IL10RA: variants seen among roughly 807,000 people sequenced by gnomAD.
The protein encoded by IL10RA is interleukin-10 receptor subunit alpha.
A neutral mutation model predicts 29.6 loss-of-function variants in IL10RA; 18 were observed. The ratio of observed to expected loss-of-function variants is 0.61; its 90% confidence interval spans 0.42 to 0.90. IL10RA has a LOEUF of 0.90. Among genes scored for constraint, IL10RA ranks in the 40% least tolerant of loss-of-function variants. IL10RA has a pLI of 0.00. For synonymous variants in IL10RA, 292 were observed against 294.1 expected (o/e 0.99, Z 0.07); for missense variants, 634 against 716.6 (o/e 0.88, Z 1.32).
chr11:117,999,769 G>GGGGCCA lies in IL10RA; in HGVS notation c.*129_*130insGGCCAG. 1 of 853,766 alleles carries GGGGCCA rather than the reference G, an allele frequency of 1.2e-6. No homozygotes were observed. Among genetic ancestry groups the GGGGCCA allele is most frequent in the Non-Finnish European group, 1.9e-6 (1 of 521,302 alleles). The allele number at this position is 853,766 out of a possible 1,614,324, so 52.9% of individuals were successfully genotyped here. On this transcript the variant is annotated 3_prime_UTR_variant, in exon 7 of 7. Transcript: ENST00000227752. ...ACTTTTCTGCAAGTCCACTGGGGCT[G>GGGGCCA]GCCCCAGCCAGGCCCTGCAGGGCTG...
chr11:117,994,008 A>G lies in IL10RA; in HGVS notation c.547A>G (p.Lys183Glu). The G allele has an allele frequency of 1.2e-6, 2 of 1,614,036 alleles. No individual in the cohort carries two copies. Among genetic ancestry groups the G allele is most frequent in the South Asian group, 2.2e-5 (2 of 91,070 alleles). The change falls in exon 5 of 7, where the codon AAG (lysine) becomes GAG (glutamate). Residue 183 changes from lysine (K) to glutamate (E), a missense_variant. Coordinates refer to ENST00000227752, the MANE Select transcript of IL10RA (RefSeq NM_001558.4). ...KVPGNFTFTHKKVKHENFSLL... is the reference protein window; with the variant it reads ...KVPGNFTFTHEKVKHENFSLL... The stretch of plus-strand genomic sequence containing the variant: ...ATCATTTTTGTTTCAGTTCACACAC[A>G]AGAAAGTAAAACATGAAAACTTCAG...
rs1395196063 is a variant in IL10RA, at chr11:118,000,721, C to A, written c.*1080C>A. On this transcript the variant is annotated 3_prime_UTR_variant, in exon 7 of 7. Transcript: ENST00000227752. The stretch of plus-strand genomic sequence containing the variant: ...CCCATCTGTGAAATAAGGACTCCAC[C>A]TTTAGGGGACCCTCCATGTTTGCTG... 1 of 454,254 alleles carries A rather than the reference C, an allele frequency of 2.2e-6. No individual in the cohort carries two copies. The highest frequency in any genetic ancestry group is 2.3e-5 in the Admixed American group (1 of 42,578). 28.1% of individuals were successfully genotyped at this position (454,254 alleles called of 1,614,324 possible).
chr11:117,989,329 T>C lies in IL10RA; in HGVS notation c.189-113T>C. 1 of 945,456 alleles carries C rather than the reference T, an allele frequency of 1.1e-6. No individual in the cohort carries two copies. Among genetic ancestry groups the C allele is most frequent in the South Asian group, 1.3e-5 (1 of 76,302 alleles). 58.6% of individuals were successfully genotyped at this position (945,456 alleles called of 1,614,324 possible). A position where few individuals can be genotyped will look rare whatever the true frequency, so the allele number is the denominator to read the frequency against. On this transcript the variant is annotated intron_variant, in intron 2 of 6. Transcript: ENST00000227752. The surrounding 1 kb of genome is among the most constrained non-coding windows in gnomAD (Gnocchi z 4.5). ...GGACTAGAGGATATAGCCTGAGGGCTGTCCCAGTTTCTCCCAATGTGGGAG... is the reference window on the plus strand; with the variant it reads ...GGACTAGAGGATATAGCCTGAGGGCCGTCCCAGTTTCTCCCAATGTGGGAG...
rs766532837 is a variant in IL10RA at position 117,999,881 on chromosome 11, C to A, written c.*240C>A. The A allele has an allele frequency of 8.9e-6, 6 of 676,304 alleles. No homozygotes were observed. The highest frequency in any genetic ancestry group is 2.8e-5 in the East Asian group (1 of 35,262). The allele number at this position is 676,304 out of a possible 1,614,324, so 41.9% of individuals were successfully genotyped here. ...CACTGACCTGTTCTGTTGACTGGGG[C>A]CCTGCAGACTCTGGCAGAGCTGAGA... On this transcript the variant is annotated 3_prime_UTR_variant, in exon 7 of 7. Transcript: ENST00000227752.
chr11:117,993,436 G>C, intron 4 of IL10RA, 26 bp downstream of exon 4: 1 of 1,608,170 alleles, frequency 6.2e-7, no homozygotes, highest in Non-Finnish European at 8.5e-7. Context: ...AGGCCCCAGG[G>C]CCAGAACTCC....
intron 2 of IL10RA, 95 bp downstream of exon 2, chr11:117,988,597 A>T: frequency 1.4e-6 from 2 of 1,453,060 alleles, no homozygotes; most frequent in Non-Finnish European, 1.9e-6. Context: ...TTGTTAATGA[A>T]GTGAGTGCCT....
At chr11:117,988,582 C>T (rs774388868) in intron 2 of IL10RA, 80 bp downstream of exon 2, 32 of 1,549,120 alleles carry the variant, frequency 2.1e-5, no homozygotes, top group Non-Finnish European at 2.8e-5. Context: ...GGGAAGATAC[C>T]TGCCTTGTTA....
rs1452066804 is a variant in IL10RA at position 117,986,511 on chromosome 11, T to C, written c.44T>C (p.Leu15Pro). The part of the protein sequence containing the change: ...LVVLLAALLS[L>P]RLGSDAHGTE... Reference sequence around the variant, plus strand: ...GTGCTGCTGGCGGCGCTCCTCAGCCTCCGTCTTGGCTCAGACGCTCATGGT... The same window carrying C: ...GTGCTGCTGGCGGCGCTCCTCAGCCCCCGTCTTGGCTCAGACGCTCATGGT... Residue 15 changes from leucine (L) to proline (P), a missense_variant, in exon 1 of 7, where the codon CTC becomes CCC. By Grantham distance (98) the Leu-to-Pro change is moderately conservative (BLOSUM62 -3). Transcript: ENST00000227752. 54 of 1,555,974 alleles carry C rather than the reference T, an allele frequency of 3.5e-5. No individual in the cohort carries two copies. Among genetic ancestry groups the C allele is most frequent in the Non-Finnish European group, 4.5e-5 (52 of 1,149,702 alleles).
intron 2 of IL10RA, 117 bp downstream of exon 2, chr11:117,988,619 A>T: frequency 8.5e-7 from 1 of 1,175,386 alleles, no homozygotes; most frequent in South Asian, 1.3e-5. Context: ...AGGGCCCCTA[A>T]CACATAGCCA....
chr11:117,996,705 C>G (rs547869761), intron 6 of IL10RA, among the ~76,000 whole-genome samples: 10 of 152,252 alleles, frequency 6.6e-5, no homozygotes, highest in Non-Finnish European at 1.5e-4. Context: ...ATTCTCCTGC[C>G]TTAGCCTCCC....
chr11:117,995,795 C>T, intron 6 of IL10RA, 85 bp downstream of exon 6: 2 of 1,427,370 alleles, frequency 1.4e-6, no homozygotes, highest in Non-Finnish European at 9.7e-7. Context: ...TTCCTCCCAG[C>T]CAGTCCATTG....
Position 118,001,176 on chromosome 11 carries a change from C to T in IL10RA, c.*1535C>T, listed in dbSNP as rs1412533329. On this transcript the variant is annotated 3_prime_UTR_variant, in exon 7 of 7. Transcript: ENST00000227752. Reference sequence around the variant, plus strand: ...GGATTCCTCAGGGTTCCCTTGAAAGCTTTATTTATTTATTTTGTTCATTTA... The same window carrying T: ...GGATTCCTCAGGGTTCCCTTGAAAGTTTTATTTATTTATTTTGTTCATTTA... 8.8e-6 allele frequency: 4 copies of T among 454,200 alleles called. No individual in the cohort carries two copies. The Admixed American group carries it at 9.4e-5, about 11-fold the overall frequency. The allele number at this position is 454,200 out of a possible 1,614,324, so 28.1% of individuals were successfully genotyped here.
chr11:117,988,761 GT>G (rs2058004520), intron 2 of IL10RA, among the ~76,000 whole-genome samples: 1 of 152,074 alleles, frequency 6.6e-6, no homozygotes, highest in Non-Finnish European at 1.5e-5. Context: ...TTTTTGTTTT[GT>G]TTTGTTTTGT....
At position 118,000,394 on chromosome 11, in the gene IL10RA, A is replaced by T. The variant is rs2058088063; in HGVS notation, c.*753A>T. 2.2e-6 allele frequency: 1 copy of T among 454,046 alleles called. No individual in the cohort carries two copies. The allele number at this position is 454,046 out of a possible 1,614,324, so 28.1% of individuals were successfully genotyped here. ...AAATGGAGTAGCATCCCCCTGGGGCACTTGCTGAGGCCAAGCCACTCACAT... is the reference window on the plus strand; with the variant it reads ...AAATGGAGTAGCATCCCCCTGGGGCTCTTGCTGAGGCCAAGCCACTCACAT... On this transcript the variant is annotated 3_prime_UTR_variant, in exon 7 of 7. Coordinates refer to ENST00000227752, the MANE Select transcript of IL10RA (RefSeq NM_001558.4).
intron 1 of IL10RA, chr11:117,987,903 GA>G (rs2057996977): frequency 7.8e-5 from 18 of 232,208 alleles, no homozygotes; most frequent in Non-Finnish European, 8.7e-6. Flanking sequence ...CCTATGAAGA[GA>G]AGGAGGCAGA....
chr11:117,998,633 TG>T, intron 6 of IL10RA, 81 bp from the exon 7 acceptor site: 1 of 1,217,344 alleles, frequency 8.2e-7, no homozygotes, highest in Non-Finnish European at 1.2e-6. Flanking sequence ...GCTCTCCTCC[TG>T]GGCCTGGCCT....
At chr11:117,990,322 C>T (rs1436191535) in intron 3 of IL10RA, among the ~76,000 whole-genome samples, 1 of 151,082 alleles carries the variant, frequency 6.6e-6, no homozygotes, top group East Asian at 1.9e-4. Context: ...TTCAGACCAA[C>T]TGTGTCTTGA....
rs1194723430 is a variant in IL10RA, at chr11:117,989,285, C to G, written c.189-157C>G. ...CGGGGTCCCAAGACCAAGGGAGACCCCTCACAATGAGCTGCCGTGGACTAG... is the reference window on the plus strand; with the variant it reads ...CGGGGTCCCAAGACCAAGGGAGACCGCTCACAATGAGCTGCCGTGGACTAG... On this transcript the variant is annotated intron_variant, in intron 2 of 6. Transcript: ENST00000227752. This position sits in a 1 kb window ranked among gnomAD's most constrained non-coding sequence, Gnocchi z 4.5. 1 of 735,744 alleles carries G rather than the reference C, an allele frequency of 1.4e-6. No homozygotes were observed. Among genetic ancestry groups the G allele is most frequent in the African/African-American group, 1.7e-5 (1 of 57,694 alleles). The allele number at this position is 735,744 out of a possible 1,614,324, so 45.6% of individuals were successfully genotyped here. A position where few individuals can be genotyped will look rare whatever the true frequency, so the allele number is the denominator to read the frequency against.
chr11:117,998,849 C>T lies in IL10RA; in HGVS notation c.945C>T (p.Gly315=). ...SPELKNLDLH[G]STDSGFGSTK... ...AGCTGAAGAACTTGGACCTGCACGG[C>T]AGCACAGACAGTGGCTTTGGCAGCA... The change falls in exon 7 of 7, where the codon GGC becomes GGT. Residue 315 remains glycine, a synonymous_variant. Transcript: ENST00000227752. 3 of 1,614,252 alleles carry T rather than the reference C, an allele frequency of 1.9e-6. No homozygotes were observed. The highest frequency in any genetic ancestry group is 2.5e-6 in the Non-Finnish European group (3 of 1,180,042).
Sources: allele counts gnomAD v4.1 joint callset (sites outside exome capture counted in the v4.1 genomes callset), GRCh38; gene constraint gnomAD v4.1.1; non-coding constraint Gnocchi (gnomAD v3.1); transcripts MANE v1.5; gene names NCBI Gene and HGNC (gene_info 2026-07-23, HGNC 2026-07-21).